Variants in RUNX2 observed in about 807,000 individuals in gnomAD.
RUNX2 encodes runt-related transcription factor 2.
In RUNX2, 10 loss-of-function variants were observed where a neutral mutation model predicts 51.7. The ratio of observed to expected loss-of-function variants is 0.19; its 90% CI spans 0.12 to 0.33. RUNX2 has a LOEUF of 0.33. RUNX2 is among the 10% of genes least tolerant of loss of function. The probability of loss-of-function intolerance (pLI) is 1.00; values close to 1 mark genes in which losing one functional copy is unlikely to be tolerated. For synonymous variants in RUNX2, 276 were observed against 273.6 expected, an observed-to-expected ratio of 1.01 and a Z score of -0.09; for missense variants, 562 against 691.3, an observed-to-expected ratio of 0.81 and a Z score of 2.10.
In RUNX2 at chr6:45,549,225, C is replaced by A; in HGVS notation, c.*1920C>A. On this transcript the variant is annotated 3_prime_UTR_variant, in exon 9 of 9. Transcript: ENST00000647337. ...CTCTCCTCCCCGAAAAGTCAGGGTC[C>A]CTTCATTGGAATCCTCCACCCACCC... 1 of 398,496 alleles carries A rather than the reference C, an allele frequency of 2.5e-6. No homozygotes were observed. Among genetic ancestry groups the A allele is most frequent in the Non-Finnish European group, 4.4e-6 (1 of 226,054 alleles). 24.7% of individuals were successfully genotyped at this position (398,496 alleles called of 1,614,324 possible).
chr6:45,368,495 A>G (rs1038393348), intron 2 of RUNX2, among the ~76,000 whole-genome samples: 1 of 152,200 alleles, frequency 6.6e-6, no homozygotes, highest in Non-Finnish European at 1.5e-5. Context: ...AACAAAATGC[A>G]CTGAACATGC....
chr6:45,343,484 CT>C (rs1790242075), intron 2 of RUNX2, among the ~76,000 whole-genome samples: 2 of 152,144 alleles, frequency 1.3e-5, no homozygotes, highest in African/African-American at 4.8e-5. Flanking sequence ...CAAAAGGCAG[CT>C]TTTCAAACCT....
intron 2 of RUNX2, among the ~76,000 whole-genome samples, chr6:45,404,289 A>AAAAAAAAAG: frequency 8.4e-6 from 1 of 118,432 alleles, no homozygotes; most frequent in Non-Finnish European, 1.9e-5. Context: ...AAGAAAAAAG[A>AAAAAAAAAG]AAAAAAAAAG....
At chr6:45,433,787 T>TA (rs945172471) in intron 4 of RUNX2, among the ~76,000 whole-genome samples, 7 of 151,492 alleles carry the variant, frequency 4.6e-5, no homozygotes, top group African/African-American at 1.5e-4. Flanking sequence ...TTTTTATATT[T>TA]AAAAAAAAAG....
intron 2 of RUNX2, among the ~76,000 whole-genome samples, chr6:45,366,456 C>T (rs1795145886): frequency 6.6e-6 from 1 of 152,120 alleles, no homozygotes; most frequent in African/African-American, 2.4e-5. Flanking sequence ...ACTGATAGCA[C>T]ACAGTGGATA....
At chr6:45,403,308 A>T (rs1765205131) in intron 2 of RUNX2, among the ~76,000 whole-genome samples, 1 of 139,734 alleles carries the variant, frequency 7.2e-6, no homozygotes, top group Admixed American at 8.2e-5. Context: ...ATCTCGGCTC[A>T]CTGCAAACTC....
At chr6:45,392,751 T>G (rs1250575622) in intron 2 of RUNX2, among the ~76,000 whole-genome samples, 1 of 152,110 alleles carries the variant, frequency 6.6e-6, no homozygotes, top group African/African-American at 2.4e-5. Flanking sequence ...TTCTCTGAGC[T>G]TCCTAGTCTA....
At chr6:45,491,710 C>T (rs1456313312) in intron 5 of RUNX2, among the ~76,000 whole-genome samples, 1 of 145,968 alleles carries the variant, frequency 6.9e-6, no homozygotes, top group African/African-American at 2.5e-5. Flanking sequence ...TTCAAGTTGT[C>T]CTCTGAGACC....
rs1310889814 is a variant in RUNX2, at chr6:45,491,989, G to A, written c.734G>A (p.Arg245His). 3 of 1,613,694 alleles carry A rather than the reference G, an allele frequency of 1.9e-6. No homozygotes were observed. The highest frequency in any genetic ancestry group is 2.5e-6 in the Non-Finnish European group (3 of 1,179,888). ...DDSKPSLFSD[R>H]LSDLGRIPHP... The stretch of plus-strand genomic sequence containing the variant: ...TCTAAACCTAGTTTGTTCTCTGACC[G>A]CCTCAGTGATTTAGGGCGCATTCCT... The change falls in exon 6 of 9, where the codon CGC becomes CAC. Residue 245 changes from arginine to histidine, a missense_variant. By Grantham distance (29) the Arg-to-His change is conservative. Transcript: ENST00000647337.
At chr6:45,424,082 A>G (rs1382503492) in intron 3 of RUNX2, among the ~76,000 whole-genome samples, 2 of 152,224 alleles carry the variant, frequency 1.3e-5, no homozygotes, top group African/African-American at 4.8e-5. Context: ...CTGAGCACGG[A>G]GTGAGCTCGA....
At chr6:45,391,240 A>T (rs927013804) in intron 2 of RUNX2, among the ~76,000 whole-genome samples, 3 of 152,228 alleles carry the variant, frequency 2.0e-5, no homozygotes, top group Non-Finnish European at 4.4e-5. Flanking sequence ...CAGATCCCTC[A>T]TGAATGGCTT....
At chr6:45,406,561 C>T (rs955219142) in intron 2 of RUNX2, among the ~76,000 whole-genome samples, 1 of 152,078 alleles carries the variant, frequency 6.6e-6, no homozygotes, top group African/African-American at 2.4e-5. Flanking sequence ...ACTACAGGCA[C>T]GCCTGGCTAA....
At chr6:45,515,662 A>T (rs1050019709) in intron 7 of RUNX2, among the ~76,000 whole-genome samples, 10 of 152,210 alleles carry the variant, frequency 6.6e-5, no homozygotes, top group African/African-American at 2.4e-4. Context: ...TAAAGCACTT[A>T]ATGCAGTACC....
chr6:45,337,778 T>C, intron 2 of RUNX2, among the ~76,000 whole-genome samples: 1 of 152,020 alleles, frequency 6.6e-6, no homozygotes, highest in East Asian at 1.9e-4. Flanking sequence ...GTTATGTTTA[T>C]TTTTGTTTAT....
chr6:45,485,448 C>T (rs1300164296), intron 5 of RUNX2, among the ~76,000 whole-genome samples: 2 of 151,496 alleles, frequency 1.3e-5, no homozygotes, highest in African/African-American at 2.4e-5. Context: ...GTGATCTGCT[C>T]GCCTCGGCCT....
intron 2 of RUNX2, among the ~76,000 whole-genome samples, chr6:45,371,175 C>T (rs1796001918): frequency 6.6e-6 from 1 of 152,094 alleles, no homozygotes; most frequent in African/African-American, 2.4e-5. Context: ...TAAGCAGCTC[C>T]CTTAAAAATC....
intron 5 of RUNX2, among the ~76,000 whole-genome samples, chr6:45,482,762 C>T (rs1000924272): frequency 3.3e-5 from 5 of 152,136 alleles, no homozygotes; most frequent in African/African-American, 1.2e-4. Flanking sequence ...AATTATGTCT[C>T]TTGAGTAGAT....
chr6:45,516,853 T>G (rs973179308), intron 7 of RUNX2, among the ~76,000 whole-genome samples: 1 of 152,244 alleles, frequency 6.6e-6, no homozygotes, highest in Non-Finnish European at 1.5e-5. Flanking sequence ...CAAAATGTAT[T>G]TTATACAATT....
At chr6:45,493,514 G>A (rs12525705) in intron 6 of RUNX2, among the ~76,000 whole-genome samples, 2 of 152,042 alleles carry the variant, frequency 1.3e-5, no homozygotes, top group Non-Finnish European at 2.9e-5. Flanking sequence ...GAGTGGGGGG[G>A]CGGTGGTGAG....
Sources: gnomAD v4.1 joint callset for allele counts (sites outside exome capture counted in the v4.1 genomes callset) on GRCh38, gnomAD v4.1.1 for gene constraint, MANE v1.5 for transcripts, NCBI Gene and HGNC (gene_info 2026-07-23, HGNC 2026-07-21) for gene names.